The following HCN1 variants were observed in gnomAD, a reference collection of about 807,000 sequenced individuals.
HCN1 encodes potassium/sodium hyperpolarization-activated cyclic nucleotide-gated channel 1.
A neutral mutation model predicts 78.9 loss-of-function variants in HCN1; 13 were observed. The observed-to-expected ratio is 0.16, with a 90% CI of 0.11 to 0.26. HCN1 has a LOEUF of 0.26. Ranked by LOEUF, HCN1 falls within the 10% of genes least tolerant of loss-of-function variation. The pLI, the probability that HCN1 is intolerant of heterozygous loss-of-function variation, is 1.00. For missense variants in HCN1, 810 were observed against 1,154.3 expected (o/e 0.70, Z 4.32); for synonymous variants, 552 against 455.5 (o/e 1.21, Z -2.70).
chr5:45,545,437 A>G (rs981070176), intron 2 of HCN1, among the ~76,000 whole-genome samples: 9 of 152,020 alleles, frequency 5.9e-5, no homozygotes, highest in Non-Finnish European at 1.3e-4. Flanking sequence ...GCTGTGCAGA[A>G]GCTCTTTAGT....
chr5:45,566,445 A>C (rs1743708608), intron 2 of HCN1, among the ~76,000 whole-genome samples: 1 of 152,150 alleles, frequency 6.6e-6, no homozygotes. Context: ...CATTTAGGTC[A>C]CAATTATATT....
At chr5:45,383,854 C>CAAAT (rs1747863623) in intron 4 of HCN1, among the ~76,000 whole-genome samples, 4 of 151,862 alleles carry the variant, frequency 2.6e-5, no homozygotes, top group African/African-American at 9.7e-5. Context: ...ACAAAAGAAT[C>CAAAT]ACAGATTCTC....
chr5:45,639,099 C>T (rs531929686), intron 2 of HCN1, among the ~76,000 whole-genome samples: 18 of 151,888 alleles, frequency 1.2e-4, no homozygotes, highest in Admixed American at 6.6e-4. Context: ...TTTACATATA[C>T]GAATATCCAT....
Position 45,329,526 on chromosome 5 carries a change from C to T in HCN1, c.1377+23574G>A, listed in dbSNP as rs1043473870. 5.3e-5 allele frequency among the ~76,000 whole-genome samples: 8 copies of T among 151,392 alleles called. 1 individual carries two copies. The highest frequency in any genetic ancestry group is 1.5e-4 in the African/African-American group (6 of 41,320). ...CAATCTGCTCCACTCCCCTTTCTGT[C>T]TCCTTGATTCAGTGGAAGTAAGAAA... is the stretch of plus-strand genomic sequence containing the variant. On this transcript the variant is annotated intron_variant, in intron 5 of 7. Transcript: ENST00000303230.
chr5:45,582,308 T>G lies in HCN1; in HGVS notation c.849+62877A>C, dbSNP rs538358759. Among the ~76,000 whole-genome samples, 8 of 152,290 alleles carry G rather than the reference T, an allele frequency of 5.3e-5. No homozygotes were observed. In the East Asian group the frequency reaches 1.3e-3, roughly 26 times the overall value. On this transcript the variant is annotated intron_variant, in intron 2 of 7. Transcript: ENST00000303230. Reference sequence around the variant, plus strand: ...TTGTGAATGGGAGTTCACTCATGATTTGGCTCTCTGTTTGTCTGTTGTTGG... The same window carrying G: ...TTGTGAATGGGAGTTCACTCATGATGTGGCTCTCTGTTTGTCTGTTGTTGG...
chr5:45,444,915 G>T (rs527676401), intron 3 of HCN1, among the ~76,000 whole-genome samples: 1 of 152,022 alleles, frequency 6.6e-6, no homozygotes, highest in South Asian at 2.1e-4. Flanking sequence ...CAAGATGGCC[G>T]AATAGGAACA....
chr5:45,432,414 C>G (rs764985848), intron 3 of HCN1, among the ~76,000 whole-genome samples: 3 of 151,884 alleles, frequency 2.0e-5, no homozygotes, highest in Non-Finnish European at 2.9e-5. Context: ...CATTTGGATG[C>G]TTTTTCTTTC....
At chr5:45,412,568 G>A (rs1740044496) in intron 3 of HCN1, among the ~76,000 whole-genome samples, 1 of 152,090 alleles carries the variant, frequency 6.6e-6, no homozygotes, top group South Asian at 2.1e-4. Context: ...CTTCTTCTGA[G>A]AGGCTTGAAA....
At chr5:45,446,762 C>A (rs1450715178) in intron 3 of HCN1, among the ~76,000 whole-genome samples, 1 of 151,956 alleles carries the variant, frequency 6.6e-6, no homozygotes, top group Non-Finnish European at 1.5e-5. Flanking sequence ...AATTTTCAAC[C>A]CAGAATTTCA....
chr5:45,615,239 T>C (rs1360051433), intron 2 of HCN1, among the ~76,000 whole-genome samples: 1 of 152,176 alleles, frequency 6.6e-6, no homozygotes, highest in African/African-American at 2.4e-5. Context: ...CACTCTGACC[T>C]GATAATTCTA....
chr5:45,309,570 C>T (rs1420688303), intron 5 of HCN1, among the ~76,000 whole-genome samples: 1 of 152,074 alleles, frequency 6.6e-6, no homozygotes, highest in Non-Finnish European at 1.5e-5. Flanking sequence ...CAGTTTTGAA[C>T]ATGAAGTGAT....
chr5:45,618,771 G>A (rs1745001947), intron 2 of HCN1, among the ~76,000 whole-genome samples: 1 of 152,018 alleles, frequency 6.6e-6, no homozygotes, highest in Non-Finnish European at 1.5e-5. Flanking sequence ...TGAGCTGATA[G>A]AGAGTCTAAC....
chr5:45,655,515 G>A (rs779596017), intron 1 of HCN1, among the ~76,000 whole-genome samples: 6 of 152,028 alleles, frequency 3.9e-5, no homozygotes, highest in East Asian at 1.9e-4. Context: ...TTTAAAAATC[G>A]TACACTTATT....
intron 2 of HCN1, among the ~76,000 whole-genome samples, chr5:45,632,378 C>T (rs1326063135): frequency 4.0e-5 from 6 of 151,736 alleles, no homozygotes; most frequent in African/African-American, 1.5e-4. Context: ...ATTTTGCTGA[C>T]AAACTGTTAG....
At chr5:45,314,614 C>A (rs1467590405) in intron 5 of HCN1, among the ~76,000 whole-genome samples, 1 of 152,008 alleles carries the variant, frequency 6.6e-6, no homozygotes, top group Admixed American at 6.6e-5. Flanking sequence ...TATTCAGGAC[C>A]CATTAATGTG....
At chr5:45,272,436 G>A (rs1744977666) in intron 6 of HCN1, among the ~76,000 whole-genome samples, 1 of 151,750 alleles carries the variant, frequency 6.6e-6, no homozygotes, top group Non-Finnish European at 1.5e-5. Flanking sequence ...TATCAACCTA[G>A]CTGGTTTAAG....
chr5:45,298,019 G>T (rs937726636), intron 6 of HCN1, among the ~76,000 whole-genome samples: 2 of 151,896 alleles, frequency 1.3e-5, no homozygotes, highest in South Asian at 2.1e-4. Context: ...CATACTTAAT[G>T]GTGATAGGTG....
chr5:45,360,674 T>C (rs1370892167), intron 4 of HCN1, among the ~76,000 whole-genome samples: 1 of 152,110 alleles, frequency 6.6e-6, no homozygotes, highest in Non-Finnish European at 1.5e-5. Flanking sequence ...GGTTATTTTA[T>C]GAAAAAGTTT....
chr5:45,530,049 T>C (rs1239888032), intron 2 of HCN1, among the ~76,000 whole-genome samples: 1 of 152,080 alleles, frequency 6.6e-6, no homozygotes, highest in Non-Finnish European at 1.5e-5. Flanking sequence ...CTGTTAAACA[T>C]AATAGAGACG....
Sources: gnomAD v4.1 joint callset for allele counts (sites outside exome capture counted in the v4.1 genomes callset) on GRCh38, gnomAD v4.1.1 for gene constraint, MANE v1.5 for transcripts, NCBI Gene and HGNC (gene_info 2026-07-23, HGNC 2026-07-21) for gene names.